Variants in DCLK1 observed in about 807,000 individuals in gnomAD.
DCLK1 encodes the protein serine/threonine-protein kinase DCLK1.
A neutral mutation model predicts 86.2 loss-of-function variants in DCLK1; 16 were observed. That is an observed-to-expected ratio of 0.19 (90% CI 0.13 to 0.28). The LOEUF is 0.28. Ranked by LOEUF, DCLK1 falls within the 10% of genes least tolerant of loss-of-function variation. The pLI is 1.00. For synonymous variants in DCLK1, 369 were observed against 370.5 expected (o/e 1.00, Z 0.05); for missense variants, 590 against 940.2 (o/e 0.63, Z 4.87).
chr13:35,956,841 T>A (rs1878014762), intron 3 of DCLK1, among the ~76,000 whole-genome samples: 1 of 152,202 alleles, frequency 6.6e-6, no homozygotes, highest in Non-Finnish European at 1.5e-5. Flanking sequence ...GGAAGAATTG[T>A]TGTAAATTTA....
chr13:36,013,513 G>A (rs906859261), intron 3 of DCLK1, among the ~76,000 whole-genome samples: 2 of 152,150 alleles, frequency 1.3e-5, no homozygotes, highest in African/African-American at 4.8e-5. Flanking sequence ...TGCCCCTGCT[G>A]GGGGGTGCCT....
intron 11 of DCLK1, among the ~76,000 whole-genome samples, chr13:35,821,814 T>C (rs2087401438): frequency 6.6e-6 from 1 of 151,990 alleles, no homozygotes; most frequent in Non-Finnish European, 1.5e-5. Context: ...CCTCTTTTTT[T>C]CCTATGTATT....
At chr13:36,039,041 T>A (rs2153154747) in intron 3 of DCLK1, among the ~76,000 whole-genome samples, 1 of 152,334 alleles carries the variant, frequency 6.6e-6, no homozygotes, top group Non-Finnish European at 1.5e-5. Flanking sequence ...GTCAGGCGCC[T>A]ACCAATGAAG....
At chr13:36,017,857 G>C (rs192396996) in intron 3 of DCLK1, among the ~76,000 whole-genome samples, 1 of 152,132 alleles carries the variant, frequency 6.6e-6, no homozygotes, top group Non-Finnish European at 1.5e-5. Flanking sequence ...CAAACTCTTT[G>C]CCATAAGAAA....
chr13:36,037,786 C>T (rs2153154513), intron 3 of DCLK1, among the ~76,000 whole-genome samples: 1 of 151,988 alleles, frequency 6.6e-6, no homozygotes, highest in South Asian at 2.1e-4. Context: ...GCCCGGCCAC[C>T]CTGATGTGAT....
In DCLK1 at chr13:35,900,408, T is replaced by C. The variant is rs1410993019; in HGVS notation, c.824-29068A>G. Reference sequence around the variant, plus strand: ...GGCGTGCACCACCACACCCAGCTAATTTTTTGTATTTTTAGTAGAGATAGG... The same window carrying C: ...GGCGTGCACCACCACACCCAGCTAACTTTTTGTATTTTTAGTAGAGATAGG... On this transcript the variant is annotated intron_variant, in intron 4 of 16. Transcript: ENST00000360631. Among the ~76,000 whole-genome samples the C allele has an allele frequency of 3.3e-5, 5 of 151,934 alleles. No homozygotes were observed. In the East Asian group the frequency reaches 7.7e-4, roughly 23 times the overall value.
intron 3 of DCLK1, among the ~76,000 whole-genome samples, chr13:36,041,296 A>C (rs1420217327): frequency 2.6e-5 from 4 of 152,184 alleles, no homozygotes; most frequent in African/African-American, 9.7e-5. Flanking sequence ...TATCTGTAAC[A>C]TTCCACTCCA....
In DCLK1 at chr13:35,822,488, C is replaced by T. The variant is rs1455913096; in HGVS notation, c.1554+241G>A. Among the ~76,000 whole-genome samples the T allele has an allele frequency of 7.2e-5, 11 of 152,220 alleles. No homozygotes were observed. In the South Asian group the frequency reaches 1.2e-3, roughly 17 times the overall value. ...GTGTTCAATACAGCCCTACCCTTCG[C>T]GAGTTCAATTCCCATTCTTGTGCCT... On this transcript the variant is annotated intron_variant, in intron 11 of 16. Transcript: ENST00000360631.
chr13:36,129,862 G>T (rs1205121989), intron 1 of DCLK1, among the ~76,000 whole-genome samples: 1 of 152,048 alleles, frequency 6.6e-6, no homozygotes, highest in East Asian at 1.9e-4. Flanking sequence ...ATCCCTGATT[G>T]TTCTCGGTGG....
intron 4 of DCLK1, among the ~76,000 whole-genome samples, chr13:35,925,315 A>G (rs761076013): frequency 1.3e-5 from 2 of 152,238 alleles, no homozygotes; most frequent in African/African-American, 2.4e-5. Context: ...GTCAGGCAAG[A>G]GAATTGTCAT....
chr13:35,838,065 CAA>C (rs748395648), intron 7 of DCLK1, among the ~76,000 whole-genome samples: 1 of 100,374 alleles, frequency 1.0e-5, no homozygotes, highest in Non-Finnish European at 2.0e-5. Context: ...GACTCCATCT[CAA>C]AAAAAAAAAG....
chr13:36,045,917 A>T (rs998059466), intron 3 of DCLK1, among the ~76,000 whole-genome samples: 19 of 152,110 alleles, frequency 1.2e-4, no homozygotes, highest in African/African-American at 4.6e-4. Context: ...CAGTAAAGGT[A>T]TGTTGAAGTA....
At chr13:35,962,539 C>T (rs1157249765) in intron 3 of DCLK1, among the ~76,000 whole-genome samples, 2 of 152,156 alleles carry the variant, frequency 1.3e-5, no homozygotes, top group Non-Finnish European at 2.9e-5. Context: ...TGAAACAATA[C>T]ATTTTTGTGT....
At chr13:35,936,886 C>T (rs1876781214) in intron 4 of DCLK1, among the ~76,000 whole-genome samples, 1 of 149,938 alleles carries the variant, frequency 6.7e-6, no homozygotes, top group South Asian at 2.1e-4. Flanking sequence ...GAATCAACCA[C>T]ATTAATAAAG....
intron 4 of DCLK1, among the ~76,000 whole-genome samples, chr13:35,901,255 T>C (rs551786726): frequency 2.8e-4 from 42 of 151,900 alleles, no homozygotes; most frequent in African/African-American, 9.9e-4. Flanking sequence ...GGGAGGCCAA[T>C]GCAGGTGGAT....
chr13:35,796,760 C>T lies in DCLK1; in HGVS notation c.1945-3281G>A, dbSNP rs183992531. On this transcript the variant is annotated intron_variant, in intron 15 of 16. Coordinates refer to ENST00000360631, the MANE Select transcript of DCLK1 (RefSeq NM_001330071.2). ...CCAGGTTGCATCAATTGAGGATGCT[C>T]ACTAGCATGGCATCAGCTACAAAAG... 4.4e-3 allele frequency among the ~76,000 whole-genome samples: 670 copies of T among 152,264 alleles called. 7 individuals carry two copies. The highest frequency in any genetic ancestry group is 8.3e-3 in the Non-Finnish European group (566 of 68,028).
intron 6 of DCLK1, chr13:35,850,064 G>A: frequency 1.0e-6 from 1 of 982,186 alleles, no homozygotes; most frequent in African/African-American, 1.7e-5. Context: ...AACAAGGCAA[G>A]TTCCTAAAGC....
At chr13:36,019,376 C>G (rs1439907375) in intron 3 of DCLK1, among the ~76,000 whole-genome samples, 3 of 152,152 alleles carry the variant, frequency 2.0e-5, no homozygotes, top group Non-Finnish European at 4.4e-5. Flanking sequence ...CTTCTAGCCC[C>G]AAATGCCAGA....
intron 16 of DCLK1, among the ~76,000 whole-genome samples, chr13:35,779,195 C>T (rs375501153): frequency 1.3e-5 from 2 of 152,016 alleles, no homozygotes; most frequent in East Asian, 1.9e-4. Flanking sequence ...TGGCTGGTCT[C>T]GAACTCCTGA....
Sources: allele counts gnomAD v4.1 joint callset (sites outside exome capture counted in the v4.1 genomes callset), GRCh38; gene constraint gnomAD v4.1.1; transcripts MANE v1.5; gene names NCBI Gene and HGNC (gene_info 2026-07-23, HGNC 2026-07-21).